ROR2: variants seen among roughly 807,000 people sequenced by gnomAD.
The protein encoded by ROR2 is tyrosine-protein kinase transmembrane receptor ROR2.
ROR2 carries 33 observed loss-of-function variants against 74.9 expected under a neutral mutation model. That is an observed-to-expected ratio of 0.44 (90% confidence interval 0.33 to 0.59). The LOEUF (loss-of-function observed/expected upper bound fraction) is 0.59, where lower values mean the gene tolerates loss of function less well. Among genes scored for constraint, ROR2 ranks in the 20% least tolerant of loss-of-function variants. The pLI is 0.02. For synonymous variants in ROR2, 586 were observed against 558.7 expected (o/e 1.05, Z -0.69); for missense variants, 1,216 against 1,313.8 (o/e 0.93, Z 1.15).
At chr9:91,766,865 G>GA (rs1826072791) in intron 2 of ROR2, among the ~76,000 whole-genome samples, 1 of 152,068 alleles carries the variant, frequency 6.6e-6, no homozygotes, top group African/African-American at 2.4e-5. Flanking sequence ...CCTTTTAATT[G>GA]AACCAAAAAA....
At chr9:91,766,753 T>C (rs941962184) in intron 2 of ROR2, among the ~76,000 whole-genome samples, 2 of 152,204 alleles carry the variant, frequency 1.3e-5, no homozygotes, top group Admixed American at 6.5e-5. Flanking sequence ...CAGAAACAAT[T>C]TGCCAGGCCA....
chr9:91,900,842 C>G (rs1334091570), intron 1 of ROR2, among the ~76,000 whole-genome samples: 1 of 152,218 alleles, frequency 6.6e-6, no homozygotes, highest in South Asian at 2.1e-4. Context: ...GCCAAGAATG[C>G]ACATCTGTTT....
chr9:91,926,051 C>A (rs1308335182), intron 1 of ROR2, among the ~76,000 whole-genome samples: 1 of 151,790 alleles, frequency 6.6e-6, no homozygotes, highest in African/African-American at 2.4e-5. Context: ...CAAGACCAGC[C>A]TGGCCAACAT....
chr9:91,950,021 G>C lies in ROR2; in HGVS notation c.-58C>G. 1.1e-6 allele frequency: 1 copy of C among 891,676 alleles called. No individual in the cohort carries two copies. Among genetic ancestry groups the C allele is most frequent in the Non-Finnish European group, 1.6e-6 (1 of 645,122 alleles). 55.2% of individuals were successfully genotyped at this position (891,676 alleles called of 1,614,324 possible). ...AGCTTCGGGCCGGGGCGCGGGGTCGGGCGCCACCACCCCTTTCTACGATGC... is the reference window on the plus strand; with the variant it reads ...AGCTTCGGGCCGGGGCGCGGGGTCGCGCGCCACCACCCCTTTCTACGATGC... On this transcript the variant is annotated 5_prime_UTR_variant, in exon 1 of 9. Transcript: ENST00000375708.
At chr9:91,936,714 T>A (rs1272726301) in intron 1 of ROR2, among the ~76,000 whole-genome samples, 1 of 152,192 alleles carries the variant, frequency 6.6e-6, no homozygotes, top group East Asian at 1.9e-4. Flanking sequence ...CTAATCTTAT[T>A]TCCACCTCAA....
chr9:91,790,320 T>A (rs1369425594), intron 1 of ROR2, among the ~76,000 whole-genome samples: 1 of 150,908 alleles, frequency 6.6e-6, no homozygotes, highest in African/African-American at 2.4e-5. Context: ...GCCAACATGA[T>A]GAAACCCCCA....
At chr9:91,776,661 T>C (rs975596815) in intron 1 of ROR2, among the ~76,000 whole-genome samples, 4 of 152,208 alleles carry the variant, frequency 2.6e-5, no homozygotes, top group African/African-American at 9.6e-5. Flanking sequence ...TAACAGAGGC[T>C]GACATCAGCT....
chr9:91,823,336 C>T (rs1828190891), intron 1 of ROR2, among the ~76,000 whole-genome samples: 1 of 151,616 alleles, frequency 6.6e-6, no homozygotes, highest in African/African-American at 2.4e-5. Flanking sequence ...TGTTCAGCAA[C>T]ACTTTTTTTT....
At chr9:91,764,740 G>GAA (rs1826011560) in intron 2 of ROR2, among the ~76,000 whole-genome samples, 1 of 152,108 alleles carries the variant, frequency 6.6e-6, no homozygotes, top group South Asian at 2.1e-4. Flanking sequence ...AGGTTCAATT[G>GAA]AGCTCATCCT....
chr9:91,849,329 T>C (rs148850619), intron 1 of ROR2, among the ~76,000 whole-genome samples: 2,263 of 152,304 alleles, frequency 0.015, 67 homozygotes, highest in African/African-American at 0.051. Flanking sequence ...AGGGGCCCTG[T>C]AGGTAGAAAT....
chr9:91,769,111 G>A (rs1826148636), intron 2 of ROR2, among the ~76,000 whole-genome samples: 1 of 152,106 alleles, frequency 6.6e-6, no homozygotes, highest in African/African-American at 2.4e-5. Context: ...TGCTGACTTG[G>A]AACCTAAGAA....
chr9:91,776,817 T>TAC (rs958616903), intron 1 of ROR2, among the ~76,000 whole-genome samples: 9 of 147,298 alleles, frequency 6.1e-5, no homozygotes, highest in Non-Finnish European at 1.2e-4. Context: ...TTGCACTATA[T>TAC]ACACACATCG....
intron 1 of ROR2, among the ~76,000 whole-genome samples, chr9:91,868,864 C>A (rs1468540685): frequency 6.6e-6 from 1 of 152,078 alleles, no homozygotes; most frequent in African/African-American, 2.4e-5. Context: ...ACTTGGACCA[C>A]CAGGAATGAA....
chr9:91,890,683 G>C (rs2119396161), intron 1 of ROR2, among the ~76,000 whole-genome samples: 1 of 152,310 alleles, frequency 6.6e-6, no homozygotes, highest in East Asian at 1.9e-4. Flanking sequence ...CAAATAGTGA[G>C]AGCTTGCTCT....
intron 1 of ROR2, among the ~76,000 whole-genome samples, chr9:91,897,575 T>G (rs1587830525): frequency 1.5e-5 from 2 of 134,758 alleles, no homozygotes; most frequent in East Asian, 2.6e-4. Flanking sequence ...GGTGGGGGGG[T>G]ATTCCAGGTG....
intron 1 of ROR2, among the ~76,000 whole-genome samples, chr9:91,822,373 C>A (rs1342072032): frequency 6.6e-6 from 1 of 152,096 alleles, no homozygotes; most frequent in African/African-American, 2.4e-5. Context: ...AGCTGGGGTA[C>A]CTCACTGTGC....
rs188376581 is a variant in ROR2, at chr9:91,733,124, C to T, written c.935G>A (p.Arg312His). Reference sequence around the variant, plus strand: ...GCCCCGGGCCCTCGGGCACTCACAGCGGCCCAGCCTCTCGGCTGGGATGCC... The same window carrying T: ...GCCCCGGGCCCTCGGGCACTCACAGTGGCCCAGCCTCTCGGCTGGGATGCC... ...RIGIPAERLG[R>H]YHQCYNGSGM... The change falls in exon 6 of 9, where the codon CGC becomes CAC. Residue 312 changes from arginine (R) to histidine (H), a missense_variant and splice_region_variant. Physicochemically the swap from Arg to His is conservative, Grantham distance 29 (BLOSUM62 0). Coordinates refer to ENST00000375708, the MANE Select transcript of ROR2 (RefSeq NM_004560.4). This position sits in a 1 kb window ranked among gnomAD's most constrained non-coding sequence, Gnocchi z 5.7. 165 of 1,591,228 alleles carry T rather than the reference C, an allele frequency of 1.0e-4. No homozygotes were observed. The East Asian group carries it at 2.8e-3, about 27-fold the overall frequency.
At chr9:91,917,468 G>A (rs761877488) in intron 1 of ROR2, among the ~76,000 whole-genome samples, 4 of 152,208 alleles carry the variant, frequency 2.6e-5, no homozygotes, top group Non-Finnish European at 5.9e-5. Context: ...AGGGAAGCTC[G>A]TGTGTCCTCA....
intron 1 of ROR2, among the ~76,000 whole-genome samples, chr9:91,829,717 G>A (rs1355468301): frequency 6.6e-6 from 1 of 152,170 alleles, no homozygotes; most frequent in African/African-American, 2.4e-5. Context: ...AACTGGACCA[G>A]CTGACGCCTT....
Sources: gnomAD v4.1 joint callset for allele counts (sites outside exome capture counted in the v4.1 genomes callset) on GRCh38, gnomAD v4.1.1 for gene constraint, Gnocchi (gnomAD v3.1) non-coding constraint, MANE v1.5 for transcripts, NCBI Gene and HGNC (gene_info 2026-07-23, HGNC 2026-07-21) for gene names.